TRIP11: variants seen among roughly 807,000 people sequenced by gnomAD.
TRIP11 encodes the protein thyroid receptor-interacting protein 11.
TRIP11 carries 148 observed loss-of-function variants against 223.1 expected under a neutral mutation model. The observed-to-expected ratio is 0.66, with a 90% CI of 0.58 to 0.76. The LOEUF (loss-of-function observed/expected upper bound fraction) is 0.76. Ranked by LOEUF, TRIP11 falls within the 30% of genes least tolerant of loss-of-function variation. The pLI is 0.00. For missense variants in TRIP11, 2,043 were observed against 2,222.0 expected (o/e 0.92, Z 1.62); for synonymous variants, 762 against 772.6 (o/e 0.99, Z 0.23).
At chr14:91,990,375 T>C (rs1286810075) in intron 15 of TRIP11, among the ~76,000 whole-genome samples, 1 of 152,208 alleles carries the variant, frequency 6.6e-6, no homozygotes, top group Admixed American at 6.5e-5. Flanking sequence ...TTTCTACCAG[T>C]TGTTTGGTTT....
At chr14:91,987,604 C>T (rs74073627) in intron 16 of TRIP11, among the ~76,000 whole-genome samples, 2,011 of 152,246 alleles carry the variant, frequency 0.013, 30 homozygotes, top group African/African-American at 0.045. Context: ...TCCAATAACC[C>T]TGAATCATTA....
Position 91,995,360 on chromosome 14 carries a change from A to G in TRIP11, c.5048T>C (p.Phe1683Ser), listed in dbSNP as rs2056736364. 6.2e-7 allele frequency: 1 copy of G among 1,613,556 alleles called. No homozygotes were observed. ...LANLQMVLEH[F>S]QQEEKAMYSA... ...GTGACCGTAGAGCTTACCTTGTTGG[A>G]AATGCTCTAGTACCATCTGCAGGTT... The change falls in exon 14 of 21, where the codon TTC becomes TCC. Residue 1683 changes from phenylalanine (F) to serine (S), a missense_variant. Phe to Ser is a radical substitution (Grantham distance 155). Transcript: ENST00000267622.
At position 92,005,629 on chromosome 14, in the gene TRIP11, C is replaced by CA; in HGVS notation, c.2346dup (p.Glu783Ter). On this transcript the variant is annotated frameshift_variant, in exon 11 of 21. Coordinates refer to ENST00000267622, the MANE Select transcript of TRIP11 (RefSeq NM_004239.4). LOFTEE classifies it high-confidence loss of function. ...TCTTTATGGTCAGTATCCATTTGTT[C>CA]AATATTCTTTTTGAGTTCTGCTATT... 1 of 1,613,828 alleles carries CA rather than the reference C, an allele frequency of 6.2e-7. No homozygotes were observed. The highest frequency in any genetic ancestry group is 8.5e-7 in the Non-Finnish European group (1 of 1,179,998).
At position 92,004,946 on chromosome 14, in the gene TRIP11, C is replaced by CT; in HGVS notation, c.3029dup (p.His1011AlafsTer2). On this transcript the variant is annotated frameshift_variant, in exon 11 of 21. Coordinates refer to ENST00000267622, the MANE Select transcript of TRIP11 (RefSeq NM_004239.4). LOFTEE classifies it high-confidence loss of function. Reference sequence around the variant, plus strand: ...CCGTTTCAGCTTTAGATAAATCATGCTTTTCACTTCCATTTTCTATATTAA... The same window carrying CT: ...CCGTTTCAGCTTTAGATAAATCATGCTTTTTCACTTCCATTTTCTATATTAA... 6.2e-7 allele frequency: 1 copy of CT among 1,613,820 alleles called. No homozygotes were observed. Among genetic ancestry groups the CT allele is most frequent in the Non-Finnish European group, 8.5e-7 (1 of 1,179,976 alleles).
intron 11 of TRIP11, among the ~76,000 whole-genome samples, chr14:92,002,733 T>C (rs1163219674): frequency 1.3e-5 from 2 of 151,896 alleles, no homozygotes; most frequent in Non-Finnish European, 2.9e-5. Context: ...CCCACCACCA[T>C]GCCTGGCTAA....
At chr14:91,977,299 C>A (rs2056478176) in intron 16 of TRIP11, 1 of 440,318 alleles carries the variant, frequency 2.3e-6, no homozygotes, top group South Asian at 1.6e-5. Flanking sequence ...TGTACTTTTT[C>A]TTTTGTTGCT....
At chr14:92,021,046 G>A (rs1322301586) in intron 4 of TRIP11, among the ~76,000 whole-genome samples, 3 of 146,868 alleles carry the variant, frequency 2.0e-5, no homozygotes, top group Non-Finnish European at 4.5e-5. Context: ...TTCCAGCCTC[G>A]GTGACAGAGT....
At chr14:92,021,931 A>C (rs985079207) in intron 3 of TRIP11, 100 bp from the exon 4 acceptor site, 56 of 1,292,192 alleles carry the variant, frequency 4.3e-5, no homozygotes, top group East Asian at 2.9e-4. Flanking sequence ...TAATTTGTCT[A>C]AGATTATCCA....
chr14:91,982,329 C>T (rs961642511), intron 16 of TRIP11, among the ~76,000 whole-genome samples: 2 of 152,112 alleles, frequency 1.3e-5, no homozygotes, highest in African/African-American at 4.8e-5. Flanking sequence ...ACTTGTTACT[C>T]CTCTGGCATG....
At chr14:91,971,722 C>A (rs2056402716) in intron 20 of TRIP11, among the ~76,000 whole-genome samples, 1 of 152,080 alleles carries the variant, frequency 6.6e-6, no homozygotes, top group Non-Finnish European at 1.5e-5. Flanking sequence ...TTCAGTATAG[C>A]CTACACCTCT....
At chr14:92,015,340 T>C (rs927885459) in intron 6 of TRIP11, among the ~76,000 whole-genome samples, 62 of 152,194 alleles carry the variant, frequency 4.1e-4, no homozygotes, top group African/African-American at 1.3e-3. Flanking sequence ...CATTTAGTTA[T>C]GTCATCTAAT....
chr14:92,007,992 T>G (rs2056926714), intron 9 of TRIP11, 140 bp from the exon 10 acceptor site: 1 of 677,822 alleles, frequency 1.5e-6, no homozygotes, highest in Non-Finnish European at 2.5e-6. Flanking sequence ...CCTCAATAAT[T>G]GTATGTGAAA....
Position 92,005,793 on chromosome 14 carries a change from G to A in TRIP11, c.2183C>T (p.Ala728Val), listed in dbSNP as rs1157302680. ...TGCTTCTTCCAACAGCCTCTTTTTA[G>A]CCCAACACAATTCTGCCTCTATCTC... ...KGEIEAELCW[A>V]KKRLLEEANK... The change falls in exon 11 of 21, where the codon GCT (alanine) becomes GTT (valine). Residue 728 changes from alanine to valine, a missense_variant. Transcript: ENST00000267622. The A allele has an allele frequency of 1.9e-6, 3 of 1,613,970 alleles. No individual in the cohort carries two copies. Among genetic ancestry groups the A allele is most frequent in the South Asian group, 1.1e-5 (1 of 91,082 alleles).
chr14:91,968,437 C>T lies in TRIP11; in HGVS notation c.*1236G>A. 1 of 210,270 alleles carries T rather than the reference C, an allele frequency of 4.8e-6. No homozygotes were observed. The highest frequency in any genetic ancestry group is 9.7e-6 in the Non-Finnish European group (1 of 103,622). The allele number at this position is 210,270 out of a possible 1,614,324, so 13.0% of individuals were successfully genotyped here. Reference sequence around the variant, plus strand: ...AAAGTGATTTCACTGCCCTCAGTGGCCACCGTGATAACAGTTGACTCTCGG... The same window carrying T: ...AAAGTGATTTCACTGCCCTCAGTGGTCACCGTGATAACAGTTGACTCTCGG... On this transcript the variant is annotated 3_prime_UTR_variant, in exon 21 of 21. Transcript: ENST00000267622.
Position 91,967,885 on chromosome 14 carries a change from G to A in TRIP11, c.*1788C>T, listed in dbSNP as rs529960221. On this transcript the variant is annotated 3_prime_UTR_variant, in exon 21 of 21. Transcript: ENST00000267622. ...AACAACTCACAGAGAAATAATAATA[G>A]GCAAAAACCAAGAGGCAGTTTGACA... The A allele has an allele frequency of 9.5e-4, 191 of 200,196 alleles. No individual in the cohort carries two copies. The highest frequency in any genetic ancestry group is 4.2e-3 in the African/African-American group (181 of 43,528). The allele number at this position is 200,196 out of a possible 1,614,324, so 12.4% of individuals were successfully genotyped here.
Position 91,975,287 on chromosome 14 carries a change from C to T in TRIP11, c.5343-1G>A, listed in dbSNP as rs754936373. 1 of 1,611,204 alleles carries T rather than the reference C, an allele frequency of 6.2e-7. No individual in the cohort carries two copies. The highest frequency in any genetic ancestry group is 8.5e-7 in the Non-Finnish European group (1 of 1,177,904). ...AATGAAGAGGTTTCTCATTAGGACT[C>T]TATGAAAATAAAGGCAGAAACAGCT... On this transcript the variant is annotated splice_acceptor_variant, in intron 17 of 20. Transcript: ENST00000267622. LOFTEE classifies it high-confidence loss of function.
At chr14:91,971,553 G>C (rs2056400620) in intron 20 of TRIP11, among the ~76,000 whole-genome samples, 1 of 151,904 alleles carries the variant, frequency 6.6e-6, no homozygotes, top group African/African-American at 2.4e-5. Context: ...AAGGGGAAAG[G>C]AGGGAGAGGG....
chr14:91,974,338 T>C (rs1252186659), intron 19 of TRIP11, among the ~76,000 whole-genome samples: 1 of 152,294 alleles, frequency 6.6e-6, no homozygotes. Context: ...GCTACTATAA[T>C]TTAGTAGCAA....
In TRIP11 at chr14:91,990,329, A is replaced by AT. The variant is rs1456609461; in HGVS notation, c.5161-1947dup. ...TATTAAAGCTTAAATCTACGCTTAG[A>AT]TTTTTTCCAAAATCAGCATTTAGAT... On this transcript the variant is annotated intron_variant, in intron 15 of 20. Coordinates refer to ENST00000267622, the MANE Select transcript of TRIP11 (RefSeq NM_004239.4). Among the ~76,000 whole-genome samples the AT allele has an allele frequency of 1.8e-4, 27 of 152,164 alleles. No homozygotes were observed. In the South Asian group the frequency reaches 5.6e-3, roughly 32 times the overall value.
Sources: gnomAD v4.1 joint callset for allele counts (sites outside exome capture counted in the v4.1 genomes callset) on GRCh38, gnomAD v4.1.1 for gene constraint, MANE v1.5 for transcripts, NCBI Gene and HGNC (gene_info 2026-07-23, HGNC 2026-07-21) for gene names.